Variants in HUNK observed in about 807,000 individuals in gnomAD.
HUNK encodes hormonally up-regulated neu tumor-associated kinase.
HUNK carries 21 observed loss-of-function variants against 61.0 expected under a neutral mutation model. The observed-to-expected ratio is 0.34, with a 90% CI of 0.24 to 0.50. The LOEUF is 0.50. Among genes scored for constraint, HUNK ranks in the 20% least tolerant of loss-of-function variants. HUNK has a pLI of 0.98. For synonymous variants in HUNK, 371 were observed against 386.1 expected, an observed-to-expected ratio of 0.96 and a Z score of 0.46; for missense variants, 772 against 945.7, an observed-to-expected ratio of 0.82 and a Z score of 2.41.
intron 1 of HUNK, among the ~76,000 whole-genome samples, chr21:31,920,120 C>T (rs530376612): frequency 2.0e-5 from 3 of 152,272 alleles, no homozygotes; most frequent in Non-Finnish European, 2.9e-5. Flanking sequence ...CTTGGCTTGT[C>T]GCCCCTCACC....
intron 2 of HUNK, among the ~76,000 whole-genome samples, chr21:31,939,745 T>C (rs2052757528): frequency 6.7e-6 from 1 of 149,548 alleles, no homozygotes; most frequent in African/African-American, 2.5e-5. Flanking sequence ...TTAAATTGCT[T>C]CCCCAAATCT....
Position 31,980,149 on chromosome 21 carries a change from G to A in HUNK, c.1174-3377G>A, listed in dbSNP as rs140771420. Among the ~76,000 whole-genome samples the A allele has an allele frequency of 3.2e-3, 480 of 152,180 alleles. 9 individuals are homozygous for A. Among genetic ancestry groups the A allele is most frequent in the East Asian group, 0.023 (120 of 5,160 alleles). ...TGCAGTGGTGTGATCTCAGCTCACC[G>A]TGACCTCCACCTCCTGGGTTCAAGC... On this transcript the variant is annotated intron_variant, in intron 7 of 10. Transcript: ENST00000270112.
In HUNK at chr21:31,886,402, G is replaced by A. The variant is rs139465838; in HGVS notation, c.261+12467G>A. On this transcript the variant is annotated intron_variant, in intron 1 of 10. Coordinates refer to ENST00000270112, the MANE Select transcript of HUNK (RefSeq NM_014586.2). ...GATTGCGCCATTGTACTCCAAACTG[G>A]GAGACAGAATGAGACTGTCTCAAAA... 7.5e-3 allele frequency among the ~76,000 whole-genome samples: 1,112 copies of A among 148,808 alleles called. 14 individuals are homozygous for A. The highest frequency in any genetic ancestry group is 0.037 in the South Asian group (173 of 4,640).
intron 2 of HUNK, among the ~76,000 whole-genome samples, chr21:31,934,299 C>T (rs1377885965): frequency 2.6e-5 from 4 of 151,530 alleles, no homozygotes; most frequent in East Asian, 1.9e-4. Context: ...AAAAATTAGC[C>T]GGGTGCGGTG....
intron 4 of HUNK, among the ~76,000 whole-genome samples, chr21:31,955,220 C>G (rs898409145): frequency 1.8e-4 from 27 of 152,114 alleles, no homozygotes; most frequent in African/African-American, 6.5e-4. Flanking sequence ...TTAAGTCCAC[C>G]TCTGCTTCCT....
intron 2 of HUNK, among the ~76,000 whole-genome samples, chr21:31,939,229 G>A (rs1052474866): frequency 1.3e-4 from 19 of 151,954 alleles, no homozygotes; most frequent in Admixed American, 6.6e-4. Flanking sequence ...ACATGTTCTC[G>A]GGTGTGACAG....
At chr21:31,957,580 C>G (rs185784732) in intron 4 of HUNK, among the ~76,000 whole-genome samples, 1 of 152,232 alleles carries the variant, frequency 6.6e-6, no homozygotes, top group Admixed American at 6.5e-5. Flanking sequence ...AAAGTATATT[C>G]CCTTGGGCGC....
intron 10 of HUNK, 46 bp downstream of exon 10, chr21:31,995,994 T>C (rs770081341): frequency 1.0e-5 from 14 of 1,397,866 alleles, no homozygotes; most frequent in African/African-American, 1.4e-5. Flanking sequence ...TGTTGGGCTG[T>C]GTGTCCGCTG....
chr21:31,969,102 C>T (rs1218434818), intron 6 of HUNK, among the ~76,000 whole-genome samples: 1 of 151,968 alleles, frequency 6.6e-6, no homozygotes, highest in Non-Finnish European at 1.5e-5. Context: ...GTCTTGAACT[C>T]CTGACCTCAA....
At chr21:31,909,122 GAT>G (rs2123804378) in intron 1 of HUNK, among the ~76,000 whole-genome samples, 1 of 152,278 alleles carries the variant, frequency 6.6e-6, no homozygotes, top group African/African-American at 2.4e-5. Context: ...TATCCTTGTG[GAT>G]AATAAATGCA....
rs117792425 is a variant in HUNK at position 31,932,581 on chromosome 21, G to T, written c.555-7584G>T. Reference sequence around the variant, plus strand: ...TGATTAGGTGATACCTAGAGGGTGTGGAGGAGTCTTCTCCCCTTAGGTCCT... The same window carrying T: ...TGATTAGGTGATACCTAGAGGGTGTTGAGGAGTCTTCTCCCCTTAGGTCCT... On this transcript the variant is annotated intron_variant, in intron 2 of 10. Coordinates refer to ENST00000270112, the MANE Select transcript of HUNK (RefSeq NM_014586.2). 2.8e-3 allele frequency among the ~76,000 whole-genome samples: 420 copies of T among 152,182 alleles called. 1 individual carries two copies. Among genetic ancestry groups the T allele is most frequent in the Non-Finnish European group, 3.7e-3 (254 of 67,994 alleles).
Position 31,916,972 on chromosome 21 carries a change from G to T in HUNK, c.262-7496G>T, listed in dbSNP as rs59762706. Among the ~76,000 whole-genome samples the T allele has an allele frequency of 2.2e-3, 339 of 152,088 alleles. 2 individuals carry two copies. Among genetic ancestry groups the T allele is most frequent in the African/African-American group, 7.3e-3 (302 of 41,496 alleles). On this transcript the variant is annotated intron_variant, in intron 1 of 10. Transcript: ENST00000270112. ...GTGACAGGTGTGAGCCACCACACCC[G>T]GCCGGGTTTCCTCTCTTTCTGTCTC...
intron 8 of HUNK, among the ~76,000 whole-genome samples, chr21:31,988,746 C>T (rs1430988018): frequency 6.8e-6 from 1 of 147,532 alleles, no homozygotes; most frequent in Non-Finnish European, 1.5e-5. Flanking sequence ...TTCTTTCTTC[C>T]CTTTTTCCTT....
Position 31,924,783 on chromosome 21 carries a change from G to A in HUNK, c.554+23G>A, listed in dbSNP as rs1165124812. 1 of 1,566,816 alleles carries A rather than the reference G, an allele frequency of 6.4e-7. No individual in the cohort carries two copies. The highest frequency in any genetic ancestry group is 1.4e-5 in the African/African-American group (1 of 73,724). On this transcript the variant is annotated intron_variant, in intron 2 of 10. Transcript: ENST00000270112. The surrounding 1 kb of genome is among the most constrained non-coding windows in gnomAD (Gnocchi z 5.1). ...CAGGTAAGGGCCAGGCCACGCTGGTGATCGCTGACTGTGTGCTCCGTGGGT... is the reference window on the plus strand; with the variant it reads ...CAGGTAAGGGCCAGGCCACGCTGGTAATCGCTGACTGTGTGCTCCGTGGGT...
chr21:31,939,411 T>G (rs1052724605), intron 2 of HUNK, among the ~76,000 whole-genome samples: 3 of 140,948 alleles, frequency 2.1e-5, no homozygotes, highest in East Asian at 2.0e-4. Flanking sequence ...TTTTTTTTTT[T>G]TTTTTTTTTT....
intron 1 of HUNK, among the ~76,000 whole-genome samples, chr21:31,908,877 T>G (rs2052526812): frequency 6.6e-6 from 1 of 152,134 alleles, no homozygotes; most frequent in Non-Finnish European, 1.5e-5. Context: ...GTTCAGGGTT[T>G]TTTTTGCCAA....
chr21:31,881,062 C>T (rs1310612576), intron 1 of HUNK, among the ~76,000 whole-genome samples: 1 of 152,226 alleles, frequency 6.6e-6, no homozygotes, highest in African/African-American at 2.4e-5. Context: ...TCGTACGGGA[C>T]AGTTGCTGAG....
At position 31,883,298 on chromosome 21, in the gene HUNK, CAG is replaced by C. The variant is rs748753172; in HGVS notation, c.261+9364_261+9365del. 1.1e-3 allele frequency among the ~76,000 whole-genome samples: 166 copies of C among 152,214 alleles called. 1 individual carries two copies. Among genetic ancestry groups the C allele is most frequent in the Non-Finnish European group, 1.6e-3 (106 of 68,012 alleles). On this transcript the variant is annotated intron_variant, in intron 1 of 10. Transcript: ENST00000270112. ...GTTTGCTTTTCCACATGTCAGCCAA[CAG>C]GGTACTCATTTTGATCTTTGCCAAT...
chr21:31,936,242 C>G, intron 2 of HUNK, among the ~76,000 whole-genome samples: 1 of 152,190 alleles, frequency 6.6e-6, no homozygotes, highest in East Asian at 1.9e-4. Context: ...CATAAGTTTT[C>G]CACTCATTTA....
Sources: allele counts gnomAD v4.1 joint callset (sites outside exome capture counted in the v4.1 genomes callset), GRCh38; gene constraint gnomAD v4.1.1; non-coding constraint Gnocchi (gnomAD v3.1); transcripts MANE v1.5; gene names NCBI Gene and HGNC (gene_info 2026-07-23, HGNC 2026-07-21).